Variants in INPP4B observed in about 807,000 individuals in gnomAD.
INPP4B encodes the protein inositol polyphosphate 4-phosphatase type II.
A neutral mutation model predicts 122.5 loss-of-function variants in INPP4B; 55 were observed. That is an observed-to-expected ratio of 0.45 (90% CI 0.36 to 0.56). The LOEUF is 0.56. Ranked by LOEUF, INPP4B falls within the 20% of genes least tolerant of loss-of-function variation. The pLI is 0.00. For synonymous variants in INPP4B, 403 were observed against 388.7 expected (o/e 1.04, Z -0.43); for missense variants, 1,000 against 1,097.7 (o/e 0.91, Z 1.26).
chr4:142,724,739 G>T (rs555591031), intron 2 of INPP4B, among the ~76,000 whole-genome samples: 6 of 152,128 alleles, frequency 3.9e-5, no homozygotes, highest in Admixed American at 3.3e-4. Context: ...CTAGAAGCCA[G>T]AAATATGTAG....
chr4:142,158,566 A>G (rs1818431225), intron 17 of INPP4B, among the ~76,000 whole-genome samples: 1 of 152,146 alleles, frequency 6.6e-6, no homozygotes, highest in Non-Finnish European at 1.5e-5. Context: ...TTTGAGTTGA[A>G]GTCATATTAG....
chr4:142,629,310 G>T (rs1747369928), intron 2 of INPP4B, among the ~76,000 whole-genome samples: 1 of 152,056 alleles, frequency 6.6e-6, no homozygotes, highest in Admixed American at 6.6e-5. Flanking sequence ...ATTGTTTTAG[G>T]TGTGGCAAAC....
chr4:142,591,296 CA>C (rs375855393), intron 2 of INPP4B, among the ~76,000 whole-genome samples: 2,149 of 147,314 alleles, frequency 0.015, 41 homozygotes, highest in African/African-American at 0.042. Flanking sequence ...ACATACCCCT[CA>C]AAAAAAAAAT....
intron 17 of INPP4B, among the ~76,000 whole-genome samples, chr4:142,154,659 T>C (rs1023424729): frequency 7.2e-5 from 11 of 152,116 alleles, no homozygotes; most frequent in African/African-American, 2.7e-4. Flanking sequence ...TCAAAAGGAC[T>C]CATGAATTAT....
At chr4:142,384,229 G>A (rs1795176416) in intron 7 of INPP4B, 2 of 657,608 alleles carry the variant, frequency 3.0e-6, no homozygotes, top group South Asian at 1.7e-5. Flanking sequence ...GAAAAAACAG[G>A]TATTAACTCA....
At chr4:142,360,922 T>A (rs2148535671) in intron 7 of INPP4B, among the ~76,000 whole-genome samples, 1 of 152,126 alleles carries the variant, frequency 6.6e-6, no homozygotes, top group East Asian at 1.9e-4. Flanking sequence ...CAAATATTTA[T>A]ATATACATAT....
intron 2 of INPP4B, among the ~76,000 whole-genome samples, chr4:142,722,848 T>C (rs1378285395): frequency 1.3e-5 from 2 of 152,172 alleles, no homozygotes; most frequent in Non-Finnish European, 2.9e-5. Flanking sequence ...CTAACTCTCA[T>C]TTAAATGCAT....
At chr4:142,687,485 G>A (rs1759509570) in intron 2 of INPP4B, among the ~76,000 whole-genome samples, 1 of 150,518 alleles carries the variant, frequency 6.6e-6, no homozygotes, top group Non-Finnish European at 1.5e-5. Flanking sequence ...AAACTTTCTG[G>A]GATTCAAAGC....
chr4:142,783,535 C>T (rs1775233099), intron 1 of INPP4B, among the ~76,000 whole-genome samples: 1 of 152,044 alleles, frequency 6.6e-6, no homozygotes, highest in African/African-American at 2.4e-5. Flanking sequence ...TTTTATTGAC[C>T]TGGCTTCCTT....
intron 25 of INPP4B, among the ~76,000 whole-genome samples, chr4:142,077,683 C>A (rs1246063891): frequency 6.6e-6 from 1 of 151,458 alleles, no homozygotes; most frequent in East Asian, 1.9e-4. Flanking sequence ...AAAGTATTCT[C>A]CCTTTCTTAA....
intron 7 of INPP4B, among the ~76,000 whole-genome samples, chr4:142,353,753 T>G (rs1782697910): frequency 6.6e-6 from 1 of 152,008 alleles, no homozygotes; most frequent in Admixed American, 6.6e-5. Flanking sequence ...ACCCAAGATC[T>G]TTCTCTAATT....
At chr4:142,076,682 G>A (rs1770895403) in intron 25 of INPP4B, among the ~76,000 whole-genome samples, 3 of 151,952 alleles carry the variant, frequency 2.0e-5, no homozygotes, top group Admixed American at 6.6e-5. Context: ...CATGGCACAT[G>A]TATACATATG....
At chr4:142,710,710 C>T (rs1298936923) in intron 2 of INPP4B, among the ~76,000 whole-genome samples, 1 of 152,160 alleles carries the variant, frequency 6.6e-6, no homozygotes, top group African/African-American at 2.4e-5. Flanking sequence ...GTTGTTTTTG[C>T]TTTAGTAACT....
intron 1 of INPP4B, among the ~76,000 whole-genome samples, chr4:142,769,422 T>C (rs1289414591): frequency 1.3e-5 from 2 of 152,178 alleles, no homozygotes; most frequent in African/African-American, 4.8e-5. Context: ...ACCTGCGATA[T>C]TTTAGTAAAC....
chr4:142,759,717 T>C (rs1017666544), intron 1 of INPP4B, among the ~76,000 whole-genome samples: 2 of 147,724 alleles, frequency 1.4e-5, no homozygotes, highest in African/African-American at 5.0e-5. Flanking sequence ...AATAAATGAA[T>C]GGAGCAAACA....
At chr4:142,369,091 G>T (rs756899658) in intron 7 of INPP4B, among the ~76,000 whole-genome samples, 2 of 152,040 alleles carry the variant, frequency 1.3e-5, no homozygotes, top group South Asian at 4.1e-4. Context: ...GGGAACATTA[G>T]AATTTGTTAG....
intron 2 of INPP4B, among the ~76,000 whole-genome samples, chr4:142,546,072 C>T (rs1829616622): frequency 6.6e-6 from 1 of 151,692 alleles, no homozygotes; most frequent in Non-Finnish European, 1.5e-5. Flanking sequence ...TTTCCTTATC[C>T]CCTTCCTCCT....
chr4:142,563,996 C>G (rs529312824), intron 2 of INPP4B, among the ~76,000 whole-genome samples: 1 of 152,162 alleles, frequency 6.6e-6, no homozygotes, highest in East Asian at 1.9e-4. Flanking sequence ...TTCCAACCCA[C>G]GGATTTATGA....
chr4:142,779,392 G>T (rs1774447568), intron 1 of INPP4B, among the ~76,000 whole-genome samples: 1 of 151,930 alleles, frequency 6.6e-6, no homozygotes. Context: ...ACATGATTTG[G>T]AGTTTACATG....
Sources: gnomAD v4.1 joint callset for allele counts (sites outside exome capture counted in the v4.1 genomes callset) on GRCh38, gnomAD v4.1.1 for gene constraint, MANE v1.5 for transcripts, NCBI Gene and HGNC (gene_info 2026-07-23, HGNC 2026-07-21) for gene names.